GPC5: variants seen among roughly 807,000 people sequenced by gnomAD.
GPC5 encodes the protein glypican-5.
GPC5 carries 47 observed loss-of-function variants against 53.9 expected under a neutral mutation model. The ratio of observed to expected loss-of-function variants is 0.87; its 90% CI spans 0.69 to 1.11. The LOEUF (loss-of-function observed/expected upper bound fraction) is 1.11. Among genes scored for constraint, GPC5 ranks in the 50% most tolerant of loss-of-function variants. The pLI is 0.00. For synonymous variants in GPC5, 286 were observed against 263.3 expected (o/e 1.09, Z -0.84); for missense variants, 748 against 713.1 (o/e 1.05, Z -0.56).
intron 7 of GPC5, among the ~76,000 whole-genome samples, chr13:92,209,996 G>A (rs2042363520): frequency 6.6e-6 from 1 of 152,092 alleles, no homozygotes; most frequent in South Asian, 2.1e-4. Context: ...AGTCAGCCTA[G>A]TCTTTCCACG....
intron 5 of GPC5, among the ~76,000 whole-genome samples, chr13:91,857,902 C>T (rs190138664): frequency 2.8e-4 from 42 of 151,496 alleles, no homozygotes; most frequent in Non-Finnish European, 5.0e-4. Context: ...CTTTTGAATG[C>T]TATTAATTCA....
intron 7 of GPC5, among the ~76,000 whole-genome samples, chr13:92,289,072 G>A (rs1189506973): frequency 1.4e-5 from 2 of 139,330 alleles, no homozygotes; most frequent in Non-Finnish European, 1.5e-5. Flanking sequence ...ATGTCAACAG[G>A]AGAATAATAA....
intron 2 of GPC5, among the ~76,000 whole-genome samples, chr13:91,456,417 T>C (rs1400046531): frequency 6.6e-6 from 1 of 152,018 alleles, no homozygotes; most frequent in Non-Finnish European, 1.5e-5. Context: ...TATTAGCTTC[T>C]TTTAAAAGAG....
rs147920369 is a variant in GPC5 at position 92,455,070 on chromosome 13, A to G, written c.1561+310081A>G. ...TGTATTGAGAAAGAGGTACGAACTC[A>G]GAGCAAGGAATGGAAGAGGCCTCAT... is the stretch of plus-strand genomic sequence containing the variant. On this transcript the variant is annotated intron_variant, in intron 7 of 7. Transcript: ENST00000377067. 3.3e-5 allele frequency among the ~76,000 whole-genome samples: 5 copies of G among 152,320 alleles called. No individual in the cohort carries two copies. The East Asian group carries it at 9.7e-4, about 29-fold the overall frequency.
At chr13:91,443,695 T>C (rs1880599653) in intron 1 of GPC5, among the ~76,000 whole-genome samples, 1 of 152,208 alleles carries the variant, frequency 6.6e-6, no homozygotes, top group Admixed American at 6.5e-5. Context: ...AATCCAAGCA[T>C]GAGGAATGCC....
chr13:91,421,186 C>T (rs1878605249), intron 1 of GPC5, among the ~76,000 whole-genome samples: 1 of 152,120 alleles, frequency 6.6e-6, no homozygotes, highest in Admixed American at 6.6e-5. Flanking sequence ...CATCATTCAC[C>T]TTTTTCTCTT....
intron 4 of GPC5, among the ~76,000 whole-genome samples, chr13:91,756,065 C>CT (rs1268715382): frequency 3.8e-4 from 20 of 52,212 alleles, no homozygotes; most frequent in South Asian, 1.2e-3. Flanking sequence ...AAAATACTAG[C>CT]TTTTTTTTTG....
chr13:92,449,557 G>A (rs1253176329), intron 7 of GPC5, among the ~76,000 whole-genome samples: 1 of 152,088 alleles, frequency 6.6e-6, no homozygotes, highest in African/African-American at 2.4e-5. Context: ...TACAGTTTTA[G>A]TTTTTCCACT....
chr13:92,234,397 C>G (rs2042554378), intron 7 of GPC5, among the ~76,000 whole-genome samples: 1 of 152,194 alleles, frequency 6.6e-6, no homozygotes, highest in Non-Finnish European at 1.5e-5. Flanking sequence ...ATTTGCATTT[C>G]TCTGATGGCC....
intron 6 of GPC5, among the ~76,000 whole-genome samples, chr13:91,929,592 T>C (rs2039801506): frequency 6.6e-6 from 1 of 152,126 alleles, no homozygotes; most frequent in Non-Finnish European, 1.5e-5. Context: ...GTTACTTCAT[T>C]TGAAATTTTT....
At chr13:92,058,187 A>G (rs2138848707) in intron 6 of GPC5, among the ~76,000 whole-genome samples, 1 of 152,256 alleles carries the variant, frequency 6.6e-6, no homozygotes, top group East Asian at 1.9e-4. Context: ...TTTAAAAAAT[A>G]TATTTTTAAT....
intron 7 of GPC5, among the ~76,000 whole-genome samples, chr13:92,780,010 C>T (rs983527829): frequency 2.6e-5 from 4 of 152,038 alleles, no homozygotes; most frequent in Non-Finnish European, 4.4e-5. Context: ...AGCAGTCTTT[C>T]ATATCCCCAG....
chr13:92,699,696 A>G (rs772022694), intron 7 of GPC5, among the ~76,000 whole-genome samples: 6 of 152,164 alleles, frequency 3.9e-5, no homozygotes, highest in Non-Finnish European at 7.3e-5. Context: ...CCCAGTAGTC[A>G]TTCAGGAGCA....
chr13:92,531,259 T>C (rs1881554277), intron 7 of GPC5, among the ~76,000 whole-genome samples: 1 of 152,142 alleles, frequency 6.6e-6, no homozygotes, highest in South Asian at 2.1e-4. Flanking sequence ...TAATATTAGG[T>C]AAGAATATTG....
chr13:92,574,226 A>AT (rs1354846491), intron 7 of GPC5, among the ~76,000 whole-genome samples: 2 of 152,202 alleles, frequency 1.3e-5, no homozygotes, highest in Non-Finnish European at 2.9e-5. Context: ...TGCCAAGGAA[A>AT]TGACTTTTAT....
chr13:91,800,760 C>G (rs2038121331), intron 5 of GPC5, among the ~76,000 whole-genome samples: 1 of 152,020 alleles, frequency 6.6e-6, no homozygotes, highest in Non-Finnish European at 1.5e-5. Context: ...GGTTTGGGTA[C>G]ACTTGGCAGA....
At chr13:91,525,374 G>T (rs964392342) in intron 2 of GPC5, among the ~76,000 whole-genome samples, 6 of 151,984 alleles carry the variant, frequency 3.9e-5, no homozygotes, top group Non-Finnish European at 7.4e-5. Flanking sequence ...GAAATCCATT[G>T]GTGGTATATA....
In GPC5 at chr13:91,713,127, G is replaced by T. The variant is rs181836175; in HGVS notation, c.1021-15405G>T. Among the ~76,000 whole-genome samples the T allele has an allele frequency of 5.3e-3, 810 of 152,174 alleles. 6 individuals are homozygous for T. Among genetic ancestry groups the T allele is most frequent in the African/African-American group, 0.019 (783 of 41,534 alleles). On this transcript the variant is annotated intron_variant, in intron 3 of 7. Coordinates refer to ENST00000377067, the MANE Select transcript of GPC5 (RefSeq NM_004466.6). ...GATTGCTTGAACCCGGGAGGCGGAG[G>T]GTGCAGTGAGCTGACATCGTGCCAC...
At chr13:91,604,354 G>A (rs1335513479) in intron 2 of GPC5, among the ~76,000 whole-genome samples, 4 of 150,504 alleles carry the variant, frequency 2.7e-5, no homozygotes, top group Non-Finnish European at 5.9e-5. Context: ...GTCTATCATT[G>A]TTGGACATTT....
Sources: gnomAD v4.1 joint callset for allele counts (sites outside exome capture counted in the v4.1 genomes callset) on GRCh38, gnomAD v4.1.1 for gene constraint, MANE v1.5 for transcripts, NCBI Gene and HGNC (gene_info 2026-07-23, HGNC 2026-07-21) for gene names.